Variants in GPC6 observed in about 807,000 individuals in gnomAD.
GPC6 encodes the protein glypican-6.
In GPC6, 14 loss-of-function variants were observed where a neutral mutation model predicts 55.2. The ratio of observed to expected loss-of-function variants is 0.25; its 90% CI spans 0.17 to 0.40. The LOEUF is 0.40. Among genes scored for constraint, GPC6 ranks in the 10% least tolerant of loss-of-function variants. GPC6 has a pLI of 1.00. For synonymous variants in GPC6, 278 were observed against 259.6 expected (o/e 1.07, Z -0.68); for missense variants, 641 against 708.5 (o/e 0.90, Z 1.08).
intron 4 of GPC6, among the ~76,000 whole-genome samples, chr13:94,075,394 G>T (rs1329690197): frequency 1.3e-5 from 2 of 151,032 alleles, no homozygotes. Context: ...AAATTTCCTT[G>T]TGTCCCTTTG....
chr13:93,225,519 T>TG (rs1291269774), upstream of GPC6, among the ~76,000 whole-genome samples: 1,205 of 151,800 alleles, frequency 7.9e-3, 21 homozygotes, highest in African/African-American at 0.028. Context: ...TTTTTTTTTT[T>TG]TTTGGTTTTG....
intron 3 of GPC6, among the ~76,000 whole-genome samples, chr13:94,015,507 A>G (rs1882427745): frequency 6.6e-6 from 1 of 152,190 alleles, no homozygotes; most frequent in African/African-American, 2.4e-5. Context: ...TTGATACACA[A>G]AAGTTTTCAT....
chr13:93,445,942 C>A (rs1187343394), intron 1 of GPC6, among the ~76,000 whole-genome samples: 1 of 152,034 alleles, frequency 6.6e-6, no homozygotes, highest in African/African-American at 2.4e-5. Flanking sequence ...AGGAAATACA[C>A]CTTCATAGGC....
At chr13:94,201,565 T>A (rs148373209) in intron 4 of GPC6, among the ~76,000 whole-genome samples, 1 of 152,162 alleles carries the variant, frequency 6.6e-6, no homozygotes, top group African/African-American at 2.4e-5. Flanking sequence ...TAAATTATGA[T>A]AAAATTAACA....
chr13:94,290,321 G>T (rs1314690009), intron 5 of GPC6, among the ~76,000 whole-genome samples: 1 of 151,166 alleles, frequency 6.6e-6, no homozygotes, highest in Admixed American at 6.6e-5. Context: ...CTTGGGAGAC[G>T]GAGGTAGAAG....
Position 93,663,095 on chromosome 13 carries a change from CAAAAAA to C in GPC6, c.319+117689_319+117694del, listed in dbSNP as rs35257700. Among the ~76,000 whole-genome samples the C allele has an allele frequency of 5.4e-5, 6 of 111,182 alleles. No individual in the cohort carries two copies. The East Asian group carries it at 9.0e-4, about 17-fold the overall frequency. The allele number at this position is 111,182 out of a possible 152,430, so 72.9% of individuals were successfully genotyped here. A position where few individuals can be genotyped will look rare whatever the true frequency, so the allele number is the denominator to read the frequency against. ...AATACCCTGTGCCAGTGACTGGTTG[CAAAAAA>C]AAAAAAAAAAAAAATCTCAATTTTT... is the stretch of plus-strand genomic sequence containing the variant. On this transcript the variant is annotated intron_variant, in intron 2 of 8. Coordinates refer to ENST00000377047, the MANE Select transcript of GPC6 (RefSeq NM_005708.5).
intron 2 of GPC6, among the ~76,000 whole-genome samples, chr13:93,644,750 A>G (rs1019501841): frequency 6.8e-6 from 1 of 147,934 alleles, no homozygotes; most frequent in African/African-American, 2.5e-5. Flanking sequence ...AACATAGATT[A>G]CTGTTGCCAT....
chr13:94,398,357 G>A, intron 7 of GPC6, 109 bp from the exon 8 acceptor site: 1 of 817,088 alleles, frequency 1.2e-6, no homozygotes. Flanking sequence ...TTTTTGCCAG[G>A]TGTCTTGGCT....
intron 3 of GPC6, among the ~76,000 whole-genome samples, chr13:93,947,454 A>G (rs368497596): frequency 6.6e-6 from 1 of 152,242 alleles, no homozygotes; most frequent in East Asian, 1.9e-4. Context: ...CAAGATGAAA[A>G]CAGAGTTTAC....
intron 4 of GPC6, among the ~76,000 whole-genome samples, chr13:94,057,106 ATG>A (rs893382211): frequency 1.3e-5 from 2 of 152,160 alleles, no homozygotes; most frequent in Admixed American, 1.3e-4. Context: ...CATATTCAGA[ATG>A]TGTGTTTGCC....
upstream of GPC6, among the ~76,000 whole-genome samples, chr13:93,226,190 C>T (rs1875774613): frequency 6.6e-6 from 1 of 152,006 alleles, no homozygotes; most frequent in Non-Finnish European, 1.5e-5. Flanking sequence ...CCATTATGTC[C>T]CTTTATGCAC....
At chr13:93,761,440 G>T (rs1403591368) in intron 2 of GPC6, among the ~76,000 whole-genome samples, 1 of 152,192 alleles carries the variant, frequency 6.6e-6, no homozygotes. Flanking sequence ...AGACAATTAA[G>T]TCTTCTCCCT....
At chr13:93,228,623 C>G (rs578231743) in intron 1 of GPC6, among the ~76,000 whole-genome samples, 1 of 152,112 alleles carries the variant, frequency 6.6e-6, no homozygotes, top group African/African-American at 2.4e-5. Flanking sequence ...TGAAACGTGT[C>G]GGGGAGAGAT....
intron 1 of GPC6, among the ~76,000 whole-genome samples, chr13:93,272,081 TG>T (rs1423438519): frequency 6.6e-6 from 1 of 152,074 alleles, no homozygotes; most frequent in Non-Finnish European, 1.5e-5. Context: ...TTTTTTCGCT[TG>T]TATTAGGGAA....
intron 6 of GPC6, among the ~76,000 whole-genome samples, chr13:94,351,389 C>T (rs1878535241): frequency 6.6e-6 from 1 of 151,992 alleles, no homozygotes; most frequent in Non-Finnish European, 1.5e-5. Flanking sequence ...TAAAGCTGCC[C>T]CTACACCATG....
intron 1 of GPC6, among the ~76,000 whole-genome samples, chr13:93,400,190 G>A (rs187347387): frequency 2.3e-4 from 35 of 152,150 alleles, no homozygotes; most frequent in African/African-American, 6.5e-4. Context: ...CTTCCGACCC[G>A]AATTATGAAT....
chr13:94,355,700 C>T (rs1878762293), intron 6 of GPC6, among the ~76,000 whole-genome samples: 1 of 152,208 alleles, frequency 6.6e-6, no homozygotes, highest in Non-Finnish European at 1.5e-5. Context: ...TCCACCTCCA[C>T]ACATGCTTCC....
intron 4 of GPC6, among the ~76,000 whole-genome samples, chr13:94,185,842 C>G (rs949848722): frequency 6.6e-6 from 1 of 151,758 alleles, no homozygotes; most frequent in Non-Finnish European, 1.5e-5. Context: ...GGGCGGATCA[C>G]GAGGTCAGGA....
At chr13:93,546,084 T>TCAAAAG in intron 2 of GPC6, among the ~76,000 whole-genome samples, 1 of 152,344 alleles carries the variant, frequency 6.6e-6, no homozygotes, top group African/African-American at 2.4e-5. Context: ...AGTAGTTTGA[T>TCAAAAG]TCTTTGTAAG....
Sources: gnomAD v4.1 joint callset for allele counts (sites outside exome capture counted in the v4.1 genomes callset) on GRCh38, gnomAD v4.1.1 for gene constraint, MANE v1.5 for transcripts, NCBI Gene and HGNC (gene_info 2026-07-23, HGNC 2026-07-21) for gene names.